KDR: variants seen among roughly 807,000 people sequenced by gnomAD.
KDR encodes the protein kinase insert domain receptor.
A neutral mutation model predicts 160.9 loss-of-function variants in KDR; 43 were observed. That is an observed-to-expected ratio of 0.27 (90% CI 0.21 to 0.34). The LOEUF (loss-of-function observed/expected upper bound fraction) is 0.34. KDR is among the 10% of genes least tolerant of loss of function. KDR has a pLI of 1.00. For synonymous variants in KDR, 617 were observed against 600.1 expected (o/e 1.03, Z -0.41); for missense variants, 1,469 against 1,666.4 (o/e 0.88, Z 2.06).
intron 1 of KDR, among the ~76,000 whole-genome samples, chr4:55,125,026 G>C (rs1356895264): frequency 6.6e-6 from 1 of 152,174 alleles, no homozygotes; most frequent in Non-Finnish European, 1.5e-5. Context: ...AACTGGGCTA[G>C]AGCACAGGCG....
intron 10 of KDR, among the ~76,000 whole-genome samples, chr4:55,107,511 G>A (rs187568900): frequency 6.6e-6 from 1 of 152,260 alleles, no homozygotes; most frequent in Admixed American, 6.5e-5. Flanking sequence ...GTACCTCACG[G>A]CTAACCTAAC....
chr4:55,098,381 A>C, intron 16 of KDR, 109 bp from the exon 17 acceptor site: 1 of 1,335,616 alleles, frequency 7.5e-7, no homozygotes, highest in Non-Finnish European at 1.1e-6. Flanking sequence ...ATTTTCCAAT[A>C]AAACTCATGG....
chr4:55,095,592 T>C lies in KDR; in HGVS notation c.2802A>G (p.Glu934=). Residue 934 remains glutamate (E), a synonymous_variant, in exon 20 of 30, where the codon GAA becomes GAG. Transcript: ENST00000263923. ...GATGACATACCTTGTAGGGGACAAA[T>C]TCATTTCTCTTGCTCCTCAGGTAAG... ...LSTYLRSKRN[E]FVPYKTKGAR... is the part of the protein sequence containing the mutation. The C allele has an allele frequency of 6.2e-7, 1 of 1,612,210 alleles. No individual in the cohort carries two copies.
rs1398271512 is a variant in KDR at position 55,090,024 on chromosome 4, C to T, written c.3124G>A (p.Val1042Ile). 7 of 1,614,094 alleles carry T rather than the reference C, an allele frequency of 4.3e-6. No individual in the cohort carries two copies. The highest frequency in any genetic ancestry group is 1.1e-5 in the South Asian group (1 of 91,082). Residue 1042 changes from valine (V) to isoleucine (I), a missense_variant, in exon 23 of 30, where the codon GTT becomes ATT. Coordinates refer to ENST00000263923, the MANE Select transcript of KDR (RefSeq NM_002253.4). ...RNILLSEKNV[V>I]KICDFGLARD... ...GCCAAGCCAAAGTCACAGATTTTAACCACGTTCTTCTCCGATAAGAGGATA... is the reference window on the plus strand; with the variant it reads ...GCCAAGCCAAAGTCACAGATTTTAATCACGTTCTTCTCCGATAAGAGGATA...
chr4:55,084,513 AT>A (rs1273653976), intron 27 of KDR, among the ~76,000 whole-genome samples: 1 of 152,192 alleles, frequency 6.6e-6, no homozygotes, highest in Non-Finnish European at 1.5e-5. Flanking sequence ...TGATCCTCTC[AT>A]GATTGACAAA....
At chr4:55,110,244 C>T (rs558023305) in intron 9 of KDR, among the ~76,000 whole-genome samples, 159 bp downstream of exon 9, 2 of 152,312 alleles carry the variant, frequency 1.3e-5, no homozygotes, top group East Asian at 3.9e-4. Context: ...CATGGTCCTA[C>T]GTTTCACTTC....
chr4:55,090,148 T>A, intron 22 of KDR, 70 bp from the exon 23 acceptor site: 1 of 1,585,016 alleles, frequency 6.3e-7, no homozygotes, highest in South Asian at 1.1e-5. Context: ...TGTGACCTCA[T>A]GCATCAAAAA....
intron 1 of KDR, among the ~76,000 whole-genome samples, chr4:55,122,265 T>C (rs1293739881): frequency 1.3e-5 from 2 of 152,146 alleles, no homozygotes; most frequent in African/African-American, 4.8e-5. Flanking sequence ...CTATGAGGTG[T>C]TGAAAAAGCA....
rs1402981960 is a variant in KDR at position 55,125,532 on chromosome 4, G to A, written c.-239C>T. On this transcript the variant is annotated 5_prime_UTR_variant, in exon 1 of 30. Transcript: ENST00000263923. ...TTTCTGCGGCGCGCAAGTGATGCCC[G>A]GCGCAGGCAGAGGAAACGCAGCGAC... The A allele has an allele frequency of 2.7e-5, 16 of 602,714 alleles. No individual in the cohort carries two copies. The highest frequency in any genetic ancestry group is 4.1e-5 in the Non-Finnish European group (14 of 338,736). The allele number at this position is 602,714 out of a possible 1,614,324, so 37.3% of individuals were successfully genotyped here.
At chr4:55,103,631 T>G (rs1720368684) in intron 13 of KDR, among the ~76,000 whole-genome samples, 1 of 152,162 alleles carries the variant, frequency 6.6e-6, no homozygotes, top group South Asian at 2.1e-4. Flanking sequence ...TATCTCTTAT[T>G]ATGACACCTG....
chr4:55,102,232 G>A (rs1720329406), intron 14 of KDR, 130 bp downstream of exon 14: 2 of 1,304,990 alleles, frequency 1.5e-6, no homozygotes. Context: ...TTCTAAGTCT[G>A]TGAAATGAGC....
rs992202858 is a variant in KDR, at chr4:55,125,394, C to T, written c.-101G>A. 2.2e-5 allele frequency: 31 copies of T among 1,422,010 alleles called. No homozygotes were observed. The highest frequency in any genetic ancestry group is 2.8e-5 in the African/African-American group (2 of 70,804). The allele number at this position is 1,422,010 out of a possible 1,614,324, so 88.1% of individuals were successfully genotyped here. A position where few individuals can be genotyped will look rare whatever the true frequency, so the allele number is the denominator to read the frequency against. ...GGCGCGGAGGTGGAACTCGCGGCAC[C>T]CCGCAGCGCAGGACAGTTGAGCGCA... On this transcript the variant is annotated 5_prime_UTR_variant, in exon 1 of 30. Transcript: ENST00000263923.
At chr4:55,089,652 T>G in intron 24 of KDR, 39 bp downstream of exon 24, 7 of 1,568,102 alleles carry the variant, frequency 4.5e-6, no homozygotes, top group Non-Finnish European at 6.1e-6. Context: ...TGTCTTCCTC[T>G]TTGGAGTCTG....
rs2110013859 is a variant in KDR, at chr4:55,092,733, G to A, written c.2972-19C>T. On this transcript the variant is annotated intron_variant, in intron 21 of 29. Coordinates refer to ENST00000263923, the MANE Select transcript of KDR (RefSeq NM_002253.4). ...TCAGGAGCTGTCCAAAGAGGCAGGAGGATGGAGATCAGTATTTCCATGAGT... is the reference window on the plus strand; with the variant it reads ...TCAGGAGCTGTCCAAAGAGGCAGGAAGATGGAGATCAGTATTTCCATGAGT... 1 of 1,516,594 alleles carries A rather than the reference G, an allele frequency of 6.6e-7. No individual in the cohort carries two copies. Among genetic ancestry groups the A allele is most frequent in the Non-Finnish European group, 9.2e-7 (1 of 1,091,172 alleles). The allele number at this position is 1,516,594 out of a possible 1,614,324, so 93.9% of individuals were successfully genotyped here. A position where few individuals can be genotyped will look rare whatever the true frequency, so the allele number is the denominator to read the frequency against.
At position 55,090,002 on chromosome 4, in the gene KDR, A is replaced by G; in HGVS notation, c.3146T>C (p.Leu1049Ser). Residue 1049 changes from leucine to serine, a missense_variant, in exon 23 of 30, where the codon TTG (leucine) becomes TCG (serine). Leu to Ser is a moderately radical substitution (Grantham distance 145). This residue lies in a region of KDR where 132 missense variants were observed against 195.9 expected (regional missense o/e 0.67). Transcript: ENST00000263923. ...TGGATCTTTATAAATATCCCGGGCC[A>G]AGCCAAAGTCACAGATTTTAACCAC... ...KNVVKICDFG[L>S]ARDIYKDPDY... 1 of 1,614,138 alleles carries G rather than the reference A, an allele frequency of 6.2e-7. No homozygotes were observed. The highest frequency in any genetic ancestry group is 8.5e-7 in the Non-Finnish European group (1 of 1,179,988).
chr4:55,083,855 A>C (rs532785514), intron 27 of KDR, among the ~76,000 whole-genome samples: 50 of 152,256 alleles, frequency 3.3e-4, no homozygotes, highest in African/African-American at 1.0e-3. Flanking sequence ...CACTCAGGAA[A>C]CTCCACAAGT....
intron 6 of KDR, 29 bp from the exon 7 acceptor site, chr4:55,113,510 A>C: frequency 6.2e-7 from 1 of 1,601,272 alleles, no homozygotes; most frequent in Non-Finnish European, 8.6e-7. Flanking sequence ...TGAACTTCCA[A>C]AGCACAGCAT....
rs1295853705 is a variant in KDR at position 55,110,550 on chromosome 4, G to A, written c.1108C>T (p.Pro370Ser). ...PEIKWYKNGI[P>S]LESNHTIKAG... The stretch of plus-strand genomic sequence containing the variant: ...TTAATTGTGTGATTGGACTCAAGGG[G>A]TATTCCATTTTTATACCTATGAAAA... The change falls in exon 9 of 30, where the codon CCC (proline) becomes TCC (serine). Residue 370 changes from proline to serine, a missense_variant. Pro to Ser is a moderately conservative substitution (Grantham distance 74). This residue lies in a region of KDR where 792 missense variants were observed against 840.9 expected (regional missense o/e 0.94). Transcript: ENST00000263923. 1.2e-6 allele frequency: 2 copies of A among 1,613,652 alleles called. No individual in the cohort carries two copies. Among genetic ancestry groups the A allele is most frequent in the African/African-American group, 1.3e-5 (1 of 74,840 alleles).
chr4:55,095,318 C>T (rs1412390203), intron 20 of KDR, among the ~76,000 whole-genome samples: 1 of 152,138 alleles, frequency 6.6e-6, no homozygotes, highest in Non-Finnish European at 1.5e-5. Flanking sequence ...CTACCCTCTG[C>T]CCTCCCCTTT....
Sources: allele counts gnomAD v4.1 joint callset (sites outside exome capture counted in the v4.1 genomes callset), GRCh38; gene constraint gnomAD v4.1.1; regional missense constraint gnomAD v4.1.1; transcripts MANE v1.5; gene names NCBI Gene and HGNC (gene_info 2026-07-23, HGNC 2026-07-21).